IMPG1: variants seen among roughly 807,000 people sequenced by gnomAD.
The protein encoded by IMPG1 is interphotoreceptor matrix proteoglycan of 150 kDa.
A neutral mutation model predicts 92.0 loss-of-function variants in IMPG1; 85 were observed. The ratio of observed to expected loss-of-function variants is 0.92; its 90% CI spans 0.78 to 1.11. The LOEUF is 1.11. Among genes scored for constraint, IMPG1 ranks in the 50% least tolerant of loss-of-function variants. The pLI, the probability that IMPG1 is intolerant of heterozygous loss-of-function variation, is 0.00. For synonymous variants in IMPG1, 367 were observed against 334.1 expected (o/e 1.10, Z -1.08); for missense variants, 1,022 against 956.0 (o/e 1.07, Z -0.91).
rs116145981 is a variant in IMPG1, at chr6:75,948,700, G to A, written c.1825-1167C>T. On this transcript the variant is annotated intron_variant, in intron 13 of 16. Coordinates refer to ENST00000369950, the MANE Select transcript of IMPG1 (RefSeq NM_001563.4). ...TCTTCACCTACTGTGCAGATAGCTA[G>A]GTGCTGCTTCTCCCAAATCCATTTT... Among the ~76,000 whole-genome samples, 1,050 of 152,242 alleles carry A rather than the reference G, an allele frequency of 6.9e-3. 13 individuals carry two copies. Among genetic ancestry groups the A allele is most frequent in the African/African-American group, 0.024 (995 of 41,540 alleles).
intron 13 of IMPG1, among the ~76,000 whole-genome samples, chr6:75,947,919 C>T (rs577201846): frequency 1.3e-5 from 2 of 151,582 alleles, no homozygotes; most frequent in East Asian, 3.9e-4. Flanking sequence ...AGCAGACTGA[C>T]CTGTGTCTAT....
intron 1 of IMPG1, among the ~76,000 whole-genome samples, chr6:76,043,037 A>G (rs1419216632): frequency 6.6e-6 from 1 of 152,150 alleles, no homozygotes; most frequent in Non-Finnish European, 1.5e-5. Context: ...CAGTGTAGTA[A>G]GATCTAAGTT....
chr6:75,981,142 T>TA (rs1262576997), intron 12 of IMPG1, among the ~76,000 whole-genome samples: 1 of 152,200 alleles, frequency 6.6e-6, no homozygotes, highest in African/African-American at 2.4e-5. Flanking sequence ...TCAAGCCTCT[T>TA]ACATCCTAAT....
intron 12 of IMPG1, among the ~76,000 whole-genome samples, chr6:75,989,022 C>G (rs751062688): frequency 7.2e-5 from 11 of 152,142 alleles, no homozygotes; most frequent in Non-Finnish European, 1.5e-4. Flanking sequence ...TTCTATCTCA[C>G]TTTTCCTTCC....
At chr6:76,068,131 A>T (rs1784343022) in intron 1 of IMPG1, among the ~76,000 whole-genome samples, 1 of 152,234 alleles carries the variant, frequency 6.6e-6, no homozygotes, top group Non-Finnish European at 1.5e-5. Context: ...CTGGAAGAAG[A>T]CAAGGATGCC....
chr6:75,953,749 C>T (rs973205272), intron 12 of IMPG1, among the ~76,000 whole-genome samples: 1 of 152,044 alleles, frequency 6.6e-6, no homozygotes, highest in Non-Finnish European at 1.5e-5. Context: ...TCTGCTAATG[C>T]TATTCCTCCC....
intron 1 of IMPG1, among the ~76,000 whole-genome samples, chr6:76,043,661 G>A (rs1226249637): frequency 6.6e-6 from 1 of 152,118 alleles, no homozygotes; most frequent in Non-Finnish European, 1.5e-5. Flanking sequence ...GCAGGTTTGG[G>A]AATCACTATT....
At chr6:76,068,487 T>A (rs916700867) in intron 1 of IMPG1, among the ~76,000 whole-genome samples, 41 of 148,388 alleles carry the variant, frequency 2.8e-4, no homozygotes, top group African/African-American at 8.9e-4. Flanking sequence ...CTTGGAAGAA[T>A]CAATATTTTT....
chr6:76,041,206 G>T (rs187007144), intron 2 of IMPG1, among the ~76,000 whole-genome samples: 1 of 152,126 alleles, frequency 6.6e-6, no homozygotes, highest in African/African-American at 2.4e-5. Flanking sequence ...TGAAAAGATA[G>T]TCACTGATGG....
At chr6:76,018,658 A>G (rs1449528346) in intron 7 of IMPG1, 60 bp downstream of exon 7, 19 of 1,511,764 alleles carry the variant, frequency 1.3e-5, no homozygotes, top group Non-Finnish European at 1.7e-5. Flanking sequence ...TTTATGTCCT[A>G]TCGGCTCCCA....
chr6:76,028,853 G>C (rs1783601714), intron 4 of IMPG1, among the ~76,000 whole-genome samples: 1 of 152,150 alleles, frequency 6.6e-6, no homozygotes, highest in African/African-American at 2.4e-5. Context: ...GTATACTCCT[G>C]GGGTGAAAAT....
intron 12 of IMPG1, among the ~76,000 whole-genome samples, chr6:75,976,251 A>G (rs923768531): frequency 2.6e-5 from 4 of 152,220 alleles, no homozygotes; most frequent in African/African-American, 2.4e-5. Flanking sequence ...CAGTTGAGGT[A>G]TTTGGAGACC....
chr6:76,049,707 A>C (rs570871764), intron 1 of IMPG1, among the ~76,000 whole-genome samples: 1 of 152,254 alleles, frequency 6.6e-6, no homozygotes, highest in South Asian at 2.1e-4. Flanking sequence ...AAAACAGACA[A>C]TTTGGGAAAA....
intron 1 of IMPG1, among the ~76,000 whole-genome samples, chr6:76,071,423 G>C (rs1784402128): frequency 1.3e-5 from 2 of 150,826 alleles, no homozygotes; most frequent in African/African-American, 4.8e-5. Context: ...ATATATAATT[G>C]ATAATTTAAT....
At chr6:75,950,532 A>G (rs2149457389) in intron 13 of IMPG1, 30 bp downstream of exon 13, 1 of 1,530,134 alleles carries the variant, frequency 6.5e-7, no homozygotes, top group East Asian at 2.3e-5. Context: ...AGAGACAAAG[A>G]ATTGGGAATT....
intron 12 of IMPG1, among the ~76,000 whole-genome samples, chr6:75,987,301 C>CTTTTTTTTTTTT (rs201510997): frequency 7.0e-6 from 1 of 143,064 alleles, no homozygotes. Context: ...GACACACAGT[C>CTTTTTTTTTTTT]TTTTTTTTTT....
chr6:75,945,061 G>T (rs915739630), intron 14 of IMPG1, among the ~76,000 whole-genome samples: 3 of 152,172 alleles, frequency 2.0e-5, no homozygotes, highest in Admixed American at 6.5e-5. Context: ...ACCACCTTTG[G>T]CTTCTTGGAA....
intron 12 of IMPG1, among the ~76,000 whole-genome samples, chr6:75,967,183 A>G (rs1312798226): frequency 1.3e-5 from 2 of 152,190 alleles, no homozygotes; most frequent in African/African-American, 4.8e-5. Context: ...CTTATAAAAA[A>G]AAAATGGAAT....
rs184078695 is a variant in IMPG1, at chr6:75,950,417, C to T, written c.1824+145G>A. ...TTGGATCTGAATTCATCTCAAAATTCTAGTTGAATGTCTTCAGCAACAGCT... is the reference window on the plus strand; with the variant it reads ...TTGGATCTGAATTCATCTCAAAATTTTAGTTGAATGTCTTCAGCAACAGCT... On this transcript the variant is annotated intron_variant, in intron 13 of 16. Transcript: ENST00000369950. The T allele has an allele frequency of 2.0e-3, 1,377 of 676,192 alleles. 15 individuals are homozygous for T. Among genetic ancestry groups the T allele is most frequent in the Middle Eastern group, 8.8e-3 (21 of 2,388 alleles). 41.9% of individuals were successfully genotyped at this position (676,192 alleles called of 1,614,324 possible).
Sources: gnomAD v4.1 joint callset for allele counts (sites outside exome capture counted in the v4.1 genomes callset) on GRCh38, gnomAD v4.1.1 for gene constraint, MANE v1.5 for transcripts, NCBI Gene and HGNC (gene_info 2026-07-23, HGNC 2026-07-21) for gene names.